The following CAP2 variants were observed in gnomAD, a reference collection of about 807,000 sequenced individuals.
CAP2 encodes cyclase associated actin cytoskeleton regulatory protein 2.
In CAP2, 24 loss-of-function variants were observed where a neutral mutation model predicts 57.7. That is an observed-to-expected ratio of 0.42 (90% CI 0.30 to 0.58). CAP2 has a LOEUF of 0.58. Among genes scored for constraint, CAP2 ranks in the 20% least tolerant of loss-of-function variants. The pLI, the probability that CAP2 is intolerant of heterozygous loss-of-function variation, is 0.22. For missense variants in CAP2, 501 were observed against 590.3 expected, an observed-to-expected ratio of 0.85 and a Z score of 1.57; for synonymous variants, 194 against 207.2, an observed-to-expected ratio of 0.94 and a Z score of 0.55.
chr6:17,526,533 C>A (rs1344279081), intron 7 of CAP2, among the ~76,000 whole-genome samples: 2 of 152,188 alleles, frequency 1.3e-5, no homozygotes, highest in Non-Finnish European at 2.9e-5. Flanking sequence ...CACCCACTGC[C>A]TTTCATTCTC....
At chr6:17,502,812 A>G (rs1761861676) in intron 4 of CAP2, among the ~76,000 whole-genome samples, 1 of 152,202 alleles carries the variant, frequency 6.6e-6, no homozygotes. Context: ...TTACATTAAG[A>G]ACATTATGAC....
intron 7 of CAP2, among the ~76,000 whole-genome samples, chr6:17,529,651 A>AAATAT (rs10656588): frequency 5.4e-4 from 72 of 134,532 alleles, no homozygotes; most frequent in African/African-American, 1.9e-3. Context: ...AAAAAAAAAA[A>AAATAT]ATATATATAT....
At chr6:17,488,917 G>A (rs1165326675) in intron 4 of CAP2, among the ~76,000 whole-genome samples, 1 of 152,146 alleles carries the variant, frequency 6.6e-6, no homozygotes, top group African/African-American at 2.4e-5. Flanking sequence ...ATAAGGGGCA[G>A]AGTCAAGACT....
At chr6:17,505,158 T>G (rs113106809) in intron 4 of CAP2, among the ~76,000 whole-genome samples, 1,945 of 152,258 alleles carry the variant, frequency 0.013, 23 homozygotes, top group Middle Eastern at 0.02. Flanking sequence ...CTCTCTGATT[T>G]ATAGATGAGG....
chr6:17,433,839 C>T (rs1342606580), intron 3 of CAP2, among the ~76,000 whole-genome samples: 1 of 152,202 alleles, frequency 6.6e-6, no homozygotes, highest in Admixed American at 6.5e-5. Context: ...TTGGACATCC[C>T]TGTGACTCCT....
At chr6:17,422,600 C>T (rs186721155) in intron 2 of CAP2, among the ~76,000 whole-genome samples, 15 of 152,102 alleles carry the variant, frequency 9.9e-5, no homozygotes, top group Admixed American at 2.6e-4. Flanking sequence ...CCGCCTGCCT[C>T]GTCCTCCCAA....
At chr6:17,430,723 G>T (rs1158913187) in intron 3 of CAP2, among the ~76,000 whole-genome samples, 1 of 152,092 alleles carries the variant, frequency 6.6e-6, no homozygotes, top group Non-Finnish European at 1.5e-5. Context: ...ATTTTTCGTA[G>T]AGACGGGGTT....
intron 1 of CAP2, among the ~76,000 whole-genome samples, chr6:17,406,273 T>C (rs1467531773): frequency 1.3e-5 from 2 of 152,040 alleles, no homozygotes; most frequent in South Asian, 2.1e-4. Context: ...TGTAGAGTTC[T>C]CCAAGACTTG....
chr6:17,549,717 G>T (rs1763128286), intron 11 of CAP2, among the ~76,000 whole-genome samples: 1 of 152,128 alleles, frequency 6.6e-6, no homozygotes, highest in African/African-American at 2.4e-5. Flanking sequence ...ATGCCTACAG[G>T]AACTACAATT....
chr6:17,454,845 G>T (rs979810220), intron 3 of CAP2, among the ~76,000 whole-genome samples: 1 of 152,218 alleles, frequency 6.6e-6, no homozygotes, highest in African/African-American at 2.4e-5. Flanking sequence ...AACTTGGAAA[G>T]AATCAGGATT....
intron 4 of CAP2, among the ~76,000 whole-genome samples, chr6:17,478,296 A>AC (rs1254685371): frequency 8.0e-6 from 1 of 124,974 alleles, no homozygotes; most frequent in East Asian, 2.2e-4. Context: ...CACTACACCT[A>AC]CTTTTTTTTT....
chr6:17,491,077 AAC>A (rs1761530564), intron 4 of CAP2, among the ~76,000 whole-genome samples: 1 of 152,068 alleles, frequency 6.6e-6, no homozygotes, highest in Non-Finnish European at 1.5e-5. Flanking sequence ...CAGTGTCATT[AAC>A]ATCATGTCCC....
In CAP2 at chr6:17,441,515, C is replaced by G. The variant is rs1323745344; in HGVS notation, c.222+14825C>G. 3.3e-5 allele frequency among the ~76,000 whole-genome samples: 5 copies of G among 151,756 alleles called. No homozygotes were observed. The East Asian group carries it at 9.7e-4, about 29-fold the overall frequency. ...GTTTTTACTTTGAGACAGGGTCTCA[C>G]TCCTTTCGCCCAGGCTGGAGTGCAG... On this transcript the variant is annotated intron_variant, in intron 3 of 12. Transcript: ENST00000229922.
rs113483933 is a variant in CAP2 at position 17,419,548 on chromosome 6, A to T, written c.-1-2007A>T. ...CAAATTAGATTGGGTTTCATTCCTC[A>T]GAGGTTGCCTTAAAGACATATAAAT... On this transcript the variant is annotated intron_variant, in intron 1 of 12. Transcript: ENST00000229922. Among the ~76,000 whole-genome samples the T allele has an allele frequency of 2.4e-3, 361 of 152,344 alleles. 1 individual carries two copies. Among genetic ancestry groups the T allele is most frequent in the African/African-American group, 7.6e-3 (314 of 41,580 alleles).
intron 1 of CAP2, among the ~76,000 whole-genome samples, chr6:17,399,196 GGGAT>G (rs1758746970): frequency 6.6e-6 from 1 of 152,144 alleles, no homozygotes; most frequent in Non-Finnish European, 1.5e-5. Flanking sequence ...TCCCAGTGCT[GGGAT>G]TACAGGCGCT....
rs987896460 is a variant in CAP2, at chr6:17,450,109, T to A, written c.223-12887T>A. ...CTCTGTCACCCAGGCTGGAGTGCAG[T>A]GGCACGATCTCGGCTCACTGCAAGC... On this transcript the variant is annotated intron_variant, in intron 3 of 12. Transcript: ENST00000229922. Among the ~76,000 whole-genome samples the A allele has an allele frequency of 1.3e-5, 2 of 151,998 alleles. 1 individual carries two copies. Among genetic ancestry groups the A allele is most frequent in the South Asian group, 4.2e-4 (2 of 4,800 alleles).
At chr6:17,533,098 A>AAAAAAAAAATT (rs3076062) in intron 7 of CAP2, among the ~76,000 whole-genome samples, 1 of 134,540 alleles carries the variant, frequency 7.4e-6, no homozygotes. Flanking sequence ...AAAAAAAAAA[A>AAAAAAAAAATT]GAACTTGGAA....
At chr6:17,537,475 C>T (rs772503862) in intron 7 of CAP2, among the ~76,000 whole-genome samples, 3 of 152,032 alleles carry the variant, frequency 2.0e-5, no homozygotes, top group Non-Finnish European at 2.9e-5. Context: ...GGATTACAGG[C>T]ATGAGCCACC....
intron 3 of CAP2, among the ~76,000 whole-genome samples, chr6:17,430,232 C>A (rs1759692046): frequency 6.6e-6 from 1 of 152,188 alleles, no homozygotes; most frequent in Non-Finnish European, 1.5e-5. Context: ...TTAGGAATCT[C>A]TGCTGAACCT....
Sources: allele counts gnomAD v4.1 joint callset (sites outside exome capture counted in the v4.1 genomes callset), GRCh38; gene constraint gnomAD v4.1.1; transcripts MANE v1.5; gene names NCBI Gene and HGNC (gene_info 2026-07-23, HGNC 2026-07-21).